The following UBAC2 variants were observed in gnomAD, a reference collection of about 807,000 sequenced individuals.
UBAC2 encodes UBA domain containing 2.
A neutral mutation model predicts 44.0 loss-of-function variants in UBAC2; 26 were observed. That is an observed-to-expected ratio of 0.59 (90% CI 0.43 to 0.82). The LOEUF (loss-of-function observed/expected upper bound fraction) is 0.82. Ranked by LOEUF, UBAC2 falls within the 40% of genes least tolerant of loss-of-function variation. UBAC2 has a pLI of 0.00. For missense variants in UBAC2, 329 were observed against 419.4 expected (o/e 0.78, Z 1.88); for synonymous variants, 155 against 154.3 (o/e 1.00, Z -0.04).
At chr13:99,321,370 A>G (rs934599226) in intron 6 of UBAC2, among the ~76,000 whole-genome samples, 6 of 152,226 alleles carry the variant, frequency 3.9e-5, no homozygotes, top group African/African-American at 1.4e-4. Flanking sequence ...GTGTAGTGGC[A>G]TGATCTTGGC....
intron 7 of UBAC2, among the ~76,000 whole-genome samples, chr13:99,355,233 G>A (rs1419976434): frequency 6.6e-6 from 1 of 151,906 alleles, no homozygotes; most frequent in African/African-American, 2.4e-5. Context: ...TAGAGCCAAT[G>A]CTGGGAAGGA....
chr13:99,203,749 A>G (rs959153760), intron 1 of UBAC2, among the ~76,000 whole-genome samples: 6 of 152,224 alleles, frequency 3.9e-5, no homozygotes, highest in Non-Finnish European at 8.8e-5. Flanking sequence ...GTGGAGGACC[A>G]CTTTAGCATG....
chr13:99,278,334 T>C (rs2043910255), intron 4 of UBAC2, among the ~76,000 whole-genome samples: 1 of 152,198 alleles, frequency 6.6e-6, no homozygotes, highest in South Asian at 2.1e-4. Context: ...TGGTATTCAC[T>C]TTCTCGGGCG....
At chr13:99,208,667 C>A (rs754549354) in intron 1 of UBAC2, among the ~76,000 whole-genome samples, 1 of 152,204 alleles carries the variant, frequency 6.6e-6, no homozygotes, top group African/African-American at 2.4e-5. Context: ...GCTTCTGGTG[C>A]GTTCGGCTCC....
intron 7 of UBAC2, among the ~76,000 whole-genome samples, chr13:99,363,789 A>C (rs2045296065): frequency 6.6e-6 from 1 of 152,278 alleles, no homozygotes; most frequent in Non-Finnish European, 1.5e-5. Context: ...GAAGTGAACC[A>C]GCAGTCTGCT....
chr13:99,306,207 C>T (rs376776065), intron 4 of UBAC2, among the ~76,000 whole-genome samples: 9 of 152,106 alleles, frequency 5.9e-5, no homozygotes, highest in African/African-American at 2.2e-4. Flanking sequence ...GATTCAGGGT[C>T]TTTATGTAAA....
chr13:99,215,589 G>T, intron 1 of UBAC2: 1 of 1,351,688 alleles, frequency 7.4e-7, no homozygotes. Context: ...CTCCAGGATG[G>T]CTGCGCTGTA....
chr13:99,359,638 A>G (rs1279533463), intron 7 of UBAC2, among the ~76,000 whole-genome samples: 1 of 152,240 alleles, frequency 6.6e-6, no homozygotes, highest in Non-Finnish European at 1.5e-5. Flanking sequence ...GCCTGAAGCC[A>G]CTGGGCCAGC....
intron 7 of UBAC2, among the ~76,000 whole-genome samples, chr13:99,362,756 T>A (rs1442595884): frequency 6.6e-6 from 1 of 152,248 alleles, no homozygotes; most frequent in Non-Finnish European, 1.5e-5. Flanking sequence ...GTCATTGATT[T>A]ATTAAGTCTC....
In UBAC2 at chr13:99,243,839, G is replaced by A; in HGVS notation, c.167G>A (p.Arg56Lys). Residue 56 changes from arginine (R) to lysine (K), a missense_variant, in exon 3 of 9, where the codon AGG becomes AAG. Transcript: ENST00000403766. The part of the protein sequence containing the change: ...HAVKNDFQIW[R>K]LICGRIICLD... Reference sequence around the variant, plus strand: ...TTTTAAATCCCCATCTAGATTTGGAGGTTGATATGTGGAAGAATAATTTGC... The same window carrying A: ...TTTTAAATCCCCATCTAGATTTGGAAGTTGATATGTGGAAGAATAATTTGC... 1 of 1,570,126 alleles carries A rather than the reference G, an allele frequency of 6.4e-7. No homozygotes were observed. Among genetic ancestry groups the A allele is most frequent in the Non-Finnish European group, 8.6e-7 (1 of 1,156,828 alleles).
intron 6 of UBAC2, among the ~76,000 whole-genome samples, chr13:99,325,445 A>G (rs540771927): frequency 5.9e-5 from 9 of 152,160 alleles, no homozygotes; most frequent in Non-Finnish European, 1.3e-4. Context: ...AACCACATGC[A>G]GTTTCTTCCA....
chr13:99,297,259 G>A (rs1272565181), intron 4 of UBAC2, among the ~76,000 whole-genome samples: 1 of 152,090 alleles, frequency 6.6e-6, no homozygotes, highest in African/African-American at 2.4e-5. Context: ...AATAAATCCT[G>A]TGTGATTATT....
At chr13:99,240,082 T>C (rs2043282901) in intron 2 of UBAC2, among the ~76,000 whole-genome samples, 1 of 152,152 alleles carries the variant, frequency 6.6e-6, no homozygotes, top group Admixed American at 6.6e-5. Flanking sequence ...AACCCAGGCT[T>C]AGATTGGAGA....
At chr13:99,289,239 A>G (rs1251113515) in intron 4 of UBAC2, among the ~76,000 whole-genome samples, 1 of 152,246 alleles carries the variant, frequency 6.6e-6, no homozygotes, top group Non-Finnish European at 1.5e-5. Flanking sequence ...AAGCCAGATA[A>G]GTTGAGGAAA....
chr13:99,245,816 CAG>C (rs937675814), intron 4 of UBAC2, among the ~76,000 whole-genome samples: 1 of 152,234 alleles, frequency 6.6e-6, no homozygotes, highest in Admixed American at 6.5e-5. Flanking sequence ...GCCTGGGTGA[CAG>C]AGTGAGACTC....
At chr13:99,269,589 A>G (rs1194706760) in intron 4 of UBAC2, among the ~76,000 whole-genome samples, 1 of 152,246 alleles carries the variant, frequency 6.6e-6, no homozygotes, top group African/African-American at 2.4e-5. Flanking sequence ...GAATAGAATG[A>G]GAAAATCCTG....
intron 8 of UBAC2, among the ~76,000 whole-genome samples, chr13:99,382,241 TC>T (rs1403771887): frequency 1.3e-5 from 2 of 152,226 alleles, no homozygotes; most frequent in African/African-American, 2.4e-5. Flanking sequence ...TGAAAATAAT[TC>T]ATTTTGGTTG....
chr13:99,315,419 C>T (rs1481522417), intron 5 of UBAC2, among the ~76,000 whole-genome samples: 2 of 152,186 alleles, frequency 1.3e-5, no homozygotes, highest in Non-Finnish European at 2.9e-5. Flanking sequence ...GTCATGGAAA[C>T]CCTCTGAGCC....
intron 6 of UBAC2, among the ~76,000 whole-genome samples, chr13:99,332,426 A>G (rs999735108): frequency 2.6e-5 from 4 of 152,226 alleles, no homozygotes; most frequent in African/African-American, 7.2e-5. Context: ...ATTGACGTCC[A>G]TGTTTATTAG....
Sources: gnomAD v4.1 joint callset for allele counts (sites outside exome capture counted in the v4.1 genomes callset) on GRCh38, gnomAD v4.1.1 for gene constraint, MANE v1.5 for transcripts, NCBI Gene and HGNC (gene_info 2026-07-23, HGNC 2026-07-21) for gene names.